SDC2: variants seen among roughly 807,000 people sequenced by gnomAD.
SDC2 encodes syndecan 2.
Under a neutral mutation model 22.2 loss-of-function variants are expected in SDC2, and 13 were observed. The observed-to-expected ratio is 0.59, with a 90% CI of 0.38 to 0.93. SDC2 has a LOEUF of 0.93. SDC2 is among the 40% of genes least tolerant of loss of function. The pLI, the probability that SDC2 is intolerant of heterozygous loss-of-function variation, is 0.00. For missense variants in SDC2, 235 were observed against 246.8 expected (o/e 0.95, Z 0.32); for synonymous variants, 94 against 92.8 (o/e 1.01, Z -0.07).
intron 1 of SDC2, among the ~76,000 whole-genome samples, chr8:96,500,971 A>G (rs35922596): frequency 0.092 from 14,009 of 152,284 alleles, 901 homozygotes; most frequent in Non-Finnish European, 0.14. Context: ...GCCAATGAGT[A>G]TGCAGCTGGT....
intron 1 of SDC2, among the ~76,000 whole-genome samples, chr8:96,519,811 T>G (rs541972427): frequency 1.9e-4 from 29 of 152,082 alleles, no homozygotes; most frequent in Non-Finnish European, 3.1e-4. Flanking sequence ...GTTTTTATAT[T>G]TCAGTAGAGA....
rs372151347 is a variant in SDC2 at position 96,525,049 on chromosome 8, GTAGT to G, written c.60+30719_60+30722del. Among the ~76,000 whole-genome samples the G allele has an allele frequency of 1.1e-3, 173 of 152,278 alleles. 1 individual carries two copies. Among genetic ancestry groups the G allele is most frequent in the African/African-American group, 4.0e-3 (168 of 41,556 alleles). On this transcript the variant is annotated intron_variant, in intron 1 of 4. Transcript: ENST00000302190. ...AATTGGGTCACAATAATGTAAAATCGTAGTCTGTACTTTCAGCTCATTCCAGAGG... is the reference window on the plus strand; with the variant it reads ...AATTGGGTCACAATAATGTAAAATCGCTGTACTTTCAGCTCATTCCAGAGG...
intron 1 of SDC2, among the ~76,000 whole-genome samples, chr8:96,554,716 T>TCTG (rs1563659379): frequency 2.0e-5 from 3 of 152,206 alleles, no homozygotes; most frequent in African/African-American, 7.2e-5. Context: ...TGGGATCCAG[T>TCTG]CTGCTTTCTC....
intron 1 of SDC2, among the ~76,000 whole-genome samples, chr8:96,512,311 T>G (rs1283170979): frequency 6.6e-6 from 1 of 152,168 alleles, no homozygotes; most frequent in Non-Finnish European, 1.5e-5. Flanking sequence ...TCTCCTCTGG[T>G]GGTGGCAAGA....
chr8:96,543,854 A>G (rs1813890076), intron 1 of SDC2, among the ~76,000 whole-genome samples: 1 of 152,186 alleles, frequency 6.6e-6, no homozygotes, highest in African/African-American at 2.4e-5. Context: ...TAATTTTTCA[A>G]AGTTATCTGG....
At chr8:96,546,172 A>G (rs542397780) in intron 1 of SDC2, among the ~76,000 whole-genome samples, 34 of 152,340 alleles carry the variant, frequency 2.2e-4, no homozygotes, top group African/African-American at 7.7e-4. Context: ...GTGGTCCCTC[A>G]CAGGTATCCA....
At chr8:96,501,124 T>G (rs13250770) in intron 1 of SDC2, among the ~76,000 whole-genome samples, 31,446 of 151,878 alleles carry the variant, frequency 0.21, 3,553 homozygotes, top group Non-Finnish European at 0.27. Flanking sequence ...CAAAGCATTT[T>G]GGTGTTTTTT....
chr8:96,535,491 G>T (rs1586286315), intron 1 of SDC2, among the ~76,000 whole-genome samples: 1 of 152,272 alleles, frequency 6.6e-6, no homozygotes, highest in East Asian at 1.9e-4. Context: ...GCATGTTTTG[G>T]CCAAGAGGAA....
intron 1 of SDC2, among the ~76,000 whole-genome samples, chr8:96,561,043 G>T (rs1263162385): frequency 2.0e-5 from 3 of 152,188 alleles, no homozygotes; most frequent in Non-Finnish European, 4.4e-5. Flanking sequence ...GGCGGAGGTT[G>T]CAATGAGCCG....
chr8:96,599,225 G>A (rs1814934845), intron 2 of SDC2, among the ~76,000 whole-genome samples: 1 of 152,108 alleles, frequency 6.6e-6, no homozygotes. Context: ...GCAGGCGCGA[G>A]CTACTGTGCT....
chr8:96,547,671 G>A (rs1187387042), intron 1 of SDC2, among the ~76,000 whole-genome samples: 6 of 152,116 alleles, frequency 3.9e-5, no homozygotes, highest in African/African-American at 1.2e-4. Context: ...AAAAGCATGA[G>A]CGTCTAGGTT....
intron 1 of SDC2, among the ~76,000 whole-genome samples, chr8:96,562,613 C>A (rs567382657): frequency 6.6e-6 from 1 of 152,206 alleles, no homozygotes; most frequent in Non-Finnish European, 1.5e-5. Context: ...CTAATGCACT[C>A]ATTCTAACTG....
chr8:96,601,676 C>T (rs1814989511), intron 2 of SDC2, among the ~76,000 whole-genome samples: 1 of 151,076 alleles, frequency 6.6e-6, no homozygotes, highest in South Asian at 2.1e-4. Context: ...AAACAAAAAC[C>T]CGGGAGAGAG....
rs1257420649 is a variant in SDC2 at position 96,610,741 on chromosome 8, A to T, written c.*1193A>T. 1 of 152,572 alleles carries T rather than the reference A, an allele frequency of 6.6e-6. No homozygotes were observed. The highest frequency in any genetic ancestry group is 1.5e-5 in the Non-Finnish European group (1 of 68,030). The allele number at this position is 152,572 out of a possible 1,614,324, so 9.5% of individuals were successfully genotyped here. Reference sequence around the variant, plus strand: ...AAGGATGACGTGGGTTTGATTTCTAAGTGTTTCACAGTGTCTGTAAATCAA... The same window carrying T: ...AAGGATGACGTGGGTTTGATTTCTATGTGTTTCACAGTGTCTGTAAATCAA... On this transcript the variant is annotated 3_prime_UTR_variant, in exon 5 of 5. Coordinates refer to ENST00000302190, the MANE Select transcript of SDC2 (RefSeq NM_002998.4).
intron 1 of SDC2, among the ~76,000 whole-genome samples, chr8:96,511,909 A>G (rs1023119236): frequency 4.9e-4 from 74 of 152,190 alleles, no homozygotes; most frequent in African/African-American, 1.6e-3. Context: ...GTTGTTAAAA[A>G]GAGATTCCTA....
At chr8:96,608,081 C>T (rs1815112943) in intron 3 of SDC2, among the ~76,000 whole-genome samples, 1 of 152,086 alleles carries the variant, frequency 6.6e-6, no homozygotes, top group African/African-American at 2.4e-5. Context: ...CTCACCATGT[C>T]CTTAGGATTA....
chr8:96,562,086 A>G (rs966301798), intron 1 of SDC2, among the ~76,000 whole-genome samples: 1 of 151,866 alleles, frequency 6.6e-6, no homozygotes, highest in Non-Finnish European at 1.5e-5. Flanking sequence ...GGTCATTTTG[A>G]TTTCCCCCCC....
At chr8:96,607,175 A>C (rs1290777737) in intron 3 of SDC2, among the ~76,000 whole-genome samples, 1 of 150,242 alleles carries the variant, frequency 6.7e-6, no homozygotes, top group Non-Finnish European at 1.5e-5. Context: ...CAGCACAGAT[A>C]CTAAGAACCA....
At chr8:96,545,196 G>C (rs1156388448) in intron 1 of SDC2, among the ~76,000 whole-genome samples, 1 of 152,154 alleles carries the variant, frequency 6.6e-6, no homozygotes, top group Non-Finnish European at 1.5e-5. Context: ...ATATTTTAGA[G>C]GGTTTTTAGA....
Sources: allele counts gnomAD v4.1 joint callset (sites outside exome capture counted in the v4.1 genomes callset), GRCh38; gene constraint gnomAD v4.1.1; transcripts MANE v1.5; gene names NCBI Gene and HGNC (gene_info 2026-07-23, HGNC 2026-07-21).